FBXO15: variants seen among roughly 807,000 people sequenced by gnomAD.
FBXO15 encodes the protein F-box only protein 15.
In FBXO15, 30 loss-of-function variants were observed where a neutral mutation model predicts 49.5. The ratio of observed to expected loss-of-function variants is 0.61; its 90% CI spans 0.45 to 0.82. FBXO15 has a LOEUF of 0.82. Ranked by LOEUF, FBXO15 falls within the 40% of genes least tolerant of loss-of-function variation. FBXO15 has a pLI of 0.00. For missense variants in FBXO15, 591 were observed against 631.5 expected (o/e 0.94, Z 0.69); for synonymous variants, 250 against 232.7 (o/e 1.07, Z -0.68).
intron 8 of FBXO15, among the ~76,000 whole-genome samples, chr18:74,091,265 A>T (rs1248061008): frequency 6.6e-6 from 1 of 152,074 alleles, no homozygotes. Context: ...CTCATTCTAC[A>T]TCCCTTGAGT....
intron 2 of FBXO15, among the ~76,000 whole-genome samples, chr18:74,138,631 A>C (rs1978872096): frequency 6.6e-6 from 1 of 151,946 alleles, no homozygotes; most frequent in Non-Finnish European, 1.5e-5. Flanking sequence ...CCTGAGCCAG[A>C]CTGACACATC....
At chr18:74,091,111 C>A (rs1913005522) in intron 8 of FBXO15, among the ~76,000 whole-genome samples, 1 of 152,092 alleles carries the variant, frequency 6.6e-6, no homozygotes, top group African/African-American at 2.4e-5. Context: ...AGAGTTAGTT[C>A]TTCGTGTTGA....
chr18:74,098,812 T>C lies in FBXO15; in HGVS notation c.1139-16761A>G, dbSNP rs768776454. The C allele has an allele frequency of 2.6e-5, 4 of 152,298 alleles. No homozygotes were observed. In the South Asian group the frequency reaches 6.2e-4, roughly 24 times the overall value. 9.4% of individuals were successfully genotyped at this position (152,298 alleles called of 1,614,324 possible). A position where few individuals can be genotyped will look rare whatever the true frequency, so the allele number is the denominator to read the frequency against. On this transcript the variant is annotated intron_variant, in intron 8 of 9. Transcript: ENST00000419743. The stretch of plus-strand genomic sequence containing the variant: ...AAAAGATCACCATCTAGGCACACTG[T>C]CATCAGGTTATCTAAAGTTAAGACA...
chr18:74,140,169 C>T (rs768907377), intron 2 of FBXO15, 33 bp downstream of exon 2: 1 of 1,526,878 alleles, frequency 6.5e-7, no homozygotes, highest in Admixed American at 2.0e-5. Context: ...GCCTAGAGGC[C>T]CCCAAAAGTG....
intron 8 of FBXO15, among the ~76,000 whole-genome samples, chr18:74,095,043 A>T (rs1196137751): frequency 6.6e-6 from 1 of 152,248 alleles, no homozygotes; most frequent in Admixed American, 6.5e-5. Context: ...TGCTAGCTTC[A>T]AACTTTTCTT....
intron 8 of FBXO15, among the ~76,000 whole-genome samples, chr18:74,119,393 T>A (rs1214326891): frequency 6.6e-6 from 1 of 152,148 alleles, no homozygotes; most frequent in East Asian, 1.9e-4. Flanking sequence ...GCCATGACAG[T>A]CCTGAACAAA....
chr18:74,099,283 AC>A (rs1303574575), intron 8 of FBXO15: 1 of 152,220 alleles, frequency 6.6e-6, no homozygotes, highest in Non-Finnish European at 1.5e-5. Context: ...GCCTCCTTAA[AC>A]AAAACAACTA....
chr18:74,122,671 T>C (rs1914523884), intron 8 of FBXO15: 1 of 152,214 alleles, frequency 6.6e-6, no homozygotes, highest in Non-Finnish European at 1.5e-5. Context: ...GCATTACTAA[T>C]AATGGGACAA....
In FBXO15 at chr18:74,075,295, C is replaced by G. The variant is rs951117299; in HGVS notation, c.1264-1565G>C. Among the ~76,000 whole-genome samples, 16 of 152,218 alleles carry G rather than the reference C, an allele frequency of 1.1e-4. No homozygotes were observed. Among genetic ancestry groups the G allele is most frequent in the Non-Finnish European group, 2.1e-4 (14 of 68,032 alleles). ...AACTTCCCACTGCAGATCCACAGCC[C>G]AGCTCCTCTGCGCCCACCTCTCCTC... On this transcript the variant is annotated intron_variant, in intron 9 of 9. Transcript: ENST00000419743. The surrounding 1 kb of genome is among the most constrained non-coding windows in gnomAD (Gnocchi z 4.1).
chr18:74,078,127 C>G (rs946636354), intron 9 of FBXO15, among the ~76,000 whole-genome samples: 2 of 152,090 alleles, frequency 1.3e-5, no homozygotes, highest in Non-Finnish European at 2.9e-5. Context: ...GTGTCTCAGT[C>G]TTTCTGCTCT....
intron 5 of FBXO15, 127 bp from the exon 6 acceptor site, chr18:74,126,228 G>T (rs772389626): frequency 2.4e-5 from 30 of 1,273,994 alleles, no homozygotes; most frequent in Non-Finnish European, 3.1e-5. Context: ...AAACTAAGTG[G>T]CATGTTGGCA....
intron 8 of FBXO15, among the ~76,000 whole-genome samples, chr18:74,082,732 C>G (rs1334805824): frequency 6.6e-6 from 1 of 152,182 alleles, no homozygotes; most frequent in Non-Finnish European, 1.5e-5. Flanking sequence ...ACACAAGCTT[C>G]CTGGTTCTGT....
At chr18:74,118,344 A>C (rs921591253) in intron 8 of FBXO15, among the ~76,000 whole-genome samples, 1 of 147,806 alleles carries the variant, frequency 6.8e-6, no homozygotes, top group African/African-American at 2.5e-5. Flanking sequence ...TAATCCCGGC[A>C]CTTTGAGATT....
chr18:74,102,345 C>CA (rs1157617772), intron 8 of FBXO15, among the ~76,000 whole-genome samples: 6 of 151,710 alleles, frequency 4.0e-5, no homozygotes, highest in Admixed American at 1.3e-4. Flanking sequence ...CCAACAAACA[C>CA]AAAAAAAATG....
At chr18:74,129,659 A>G (rs781674138) in intron 4 of FBXO15, 45 bp from the exon 5 acceptor site, 2 of 1,520,780 alleles carry the variant, frequency 1.3e-6, no homozygotes, top group Non-Finnish European at 1.8e-6. Flanking sequence ...TCATTGAAAA[A>G]AAAAAAATGC....
chr18:74,076,913 A>C lies in FBXO15; in HGVS notation c.1264-3183T>G, dbSNP rs139032522. On this transcript the variant is annotated intron_variant, in intron 9 of 9. Transcript: ENST00000419743. ...AAGAGCCACCCAAGCTCCCCTGCTG[A>C]GAGATCCTCTTCCCATCTTCTCTTT... Among the ~76,000 whole-genome samples, 517 of 152,286 alleles carry C rather than the reference A, an allele frequency of 3.4e-3. 1 individual carries two copies. The highest frequency in any genetic ancestry group is 0.012 in the African/African-American group (481 of 41,554).
chr18:74,138,734 G>A (rs756743320), intron 2 of FBXO15, among the ~76,000 whole-genome samples: 2 of 151,928 alleles, frequency 1.3e-5, no homozygotes. Context: ...CTTCCGCCCT[G>A]ACCCCACCTC....
chr18:74,123,175 G>A, intron 8 of FBXO15, 193 bp downstream of exon 8: 2 of 531,226 alleles, frequency 3.8e-6, no homozygotes, highest in Admixed American at 3.7e-5. Context: ...GAAGGAGACA[G>A]AGCCAGTTCT....
At chr18:74,108,915 T>C (rs1913888903) in intron 8 of FBXO15, among the ~76,000 whole-genome samples, 1 of 149,348 alleles carries the variant, frequency 6.7e-6, no homozygotes, top group Non-Finnish European at 1.5e-5. Flanking sequence ...ATTTGAAGTA[T>C]TAAGTGTTGA....
Sources: allele counts gnomAD v4.1 joint callset (sites outside exome capture counted in the v4.1 genomes callset), GRCh38; gene constraint gnomAD v4.1.1; non-coding constraint Gnocchi (gnomAD v3.1); transcripts MANE v1.5; gene names NCBI Gene and HGNC (gene_info 2026-07-23, HGNC 2026-07-21).